Variants in OR4C46 observed in about 807,000 individuals in gnomAD.
OR4C46 encodes olfactory receptor family 4 subfamily C member 46, also known as olfactory receptor 4C46.
Under a neutral mutation model 11.8 loss-of-function variants are expected in OR4C46, and 17 were observed. The observed-to-expected ratio is 1.44, with a 90% CI of 0.98 to 2.16. The LOEUF is 2.16. OR4C46 is among the 30% of genes most tolerant of loss of function. The pLI, the probability that OR4C46 is intolerant of heterozygous loss-of-function variation, is 0.00. For synonymous variants in OR4C46, 224 were observed against 137.6 expected, an observed-to-expected ratio of 1.63 and a Z score of -4.39; for missense variants, 606 against 372.1, an observed-to-expected ratio of 1.63 and a Z score of -5.17.
At position 54,603,480 on chromosome 11, in the gene OR4C46, A is replaced by G; in HGVS notation, c.519T>C (p.Asp173=). Reference sequence around the variant, plus strand: ...AAGGGTTCAGATCACACATAAAGTGATCTATGACATTAGGACCACAGAAAG... The same window carrying G: ...AAGGGTTCAGATCACACATAAAGTGGTCTATGACATTAGGACCACAGAAAG... ...QLPFCGPNVI[D]HFMCDLNPLL... is the part of the protein sequence containing the mutation. Residue 173 remains aspartate, a synonymous_variant, in exon 1 of 1, where the codon GAT becomes GAC. Transcript: ENST00000328188. The G allele has an allele frequency of 1.9e-6, 3 of 1,613,768 alleles. No individual in the cohort carries two copies. The highest frequency in any genetic ancestry group is 2.5e-6 in the Non-Finnish European group (3 of 1,179,746).
Position 54,603,268 on chromosome 11 carries a change from A to G in OR4C46, c.731T>C (p.Val244Ala). The G allele has an allele frequency of 6.2e-7, 1 of 1,613,370 alleles. No individual in the cohort carries two copies. The highest frequency in any genetic ancestry group is 8.5e-7 in the Non-Finnish European group (1 of 1,179,448). The change falls in exon 1 of 1, where the codon GTT becomes GCT. Residue 244 changes from valine (V) to alanine (A), a missense_variant. Physicochemically the swap from Val to Ala is moderately conservative, Grantham distance 64. Transcript: ENST00000328188. ...ALSTCVSHIT[V>A]VILFFVPCIF... ...GCAGGGCACAAAGAATAAGATGACA[A>G]CCGTGATGTGGGAGACACAGGTGGA...
chr11:54,603,385 C>A lies in OR4C46; in HGVS notation c.614G>T (p.Cys205Phe), dbSNP rs547712800. The A allele has an allele frequency of 1.2e-6, 2 of 1,613,778 alleles. No homozygotes were observed. The highest frequency in any genetic ancestry group is 8.5e-7 in the Non-Finnish European group (1 of 1,179,830). ...LFIAANSGFI[C>F]LLNFALLLVS... ...CAGCAGGAGGGCAAAGTTTAACAAG[C>A]AGATGAATCCACTGTTGGCAGCAAT... Residue 205 changes from cysteine (C) to phenylalanine (F), a missense_variant, in exon 1 of 1, where the codon TGC becomes TTC. Cys to Phe is a radical substitution (Grantham distance 205, BLOSUM62 -2). Transcript: ENST00000328188.
Position 54,603,579 on chromosome 11 carries a change from G to A in OR4C46, c.420C>T (p.Ala140=). The A allele has an allele frequency of 1.2e-6, 2 of 1,614,038 alleles. No individual in the cohort carries two copies. Among genetic ancestry groups the A allele is most frequent in the East Asian group, 2.2e-5 (1 of 44,874 alleles). The change falls in exon 1 of 1, where the codon GCC becomes GCT. Residue 140 remains alanine, a synonymous_variant. Transcript: ENST00000328188. ...YMTIMNQCVC[A]LLMGVVWMGG... is the part of the protein sequence containing the mutation. Reference sequence around the variant, plus strand: ...CCATCCACACCACTCCCATTAGCAGGGCACACACACACTGGTTCATGATAG... The same window carrying A: ...CCATCCACACCACTCCCATTAGCAGAGCACACACACACTGGTTCATGATAG...
rs749744998 is a variant in OR4C46 at position 54,603,220 on chromosome 11, G to T, written c.779C>A (p.Ala260Glu). 5 of 1,609,798 alleles carry T rather than the reference G, an allele frequency of 3.1e-6. No individual in the cohort carries two copies. Among genetic ancestry groups the T allele is most frequent in the African/African-American group, 2.7e-5 (2 of 74,794 alleles). The change falls in exon 1 of 1, where the codon GCA becomes GAA. Residue 260 changes from alanine to glutamate, a missense_variant. Physicochemically the swap from Ala to Glu is moderately radical, Grantham distance 107. Coordinates refer to ENST00000328188, the MANE Select transcript of OR4C46 (RefSeq NM_001004703.1). ...TGCTTTATCAATAGGTAAAGTAGCT[G>T]CAGGTCTCATGTACACAAATATGCA... Reference protein sequence around the residue: ...VPCIFVYMRPAATLPIDKAVA... With the variant: ...VPCIFVYMRPEATLPIDKAVA...
In OR4C46 at chr11:54,603,087, G is replaced by A. The variant is rs79951112; in HGVS notation, c.912C>T (p.Asp304=). ...GTTACATTTATTTGTCACCTGAAAT[G>A]TCCTTTCTACTACACAATTTCCTGA... ...NAIRKLCSRK[D]ISGDK is the part of the protein sequence containing the mutation. Residue 304 remains aspartate, a synonymous_variant, in exon 1 of 1, where the codon GAC becomes GAT. Coordinates refer to ENST00000328188, the MANE Select transcript of OR4C46 (RefSeq NM_001004703.1). 9.1e-4 allele frequency: 1,388 copies of A among 1,530,582 alleles called. 7 individuals are homozygous for A. In the African/African-American group the frequency reaches 0.017, roughly 19 times the overall value. The allele number at this position is 1,530,582 out of a possible 1,614,324, so 94.8% of individuals were successfully genotyped here.
chr11:54,603,124 A>G lies in OR4C46; in HGVS notation c.875T>C (p.Met292Thr), dbSNP rs747940376. ...PLIYTLKNAQ[M>T]KNAIRKLCSR... is the part of the protein sequence containing the mutation. ...ACACAATTTCCTGATGGCATTTTTC[A>G]TCTGGGCATTCTTCAAGGTATAGAT... is the stretch of plus-strand genomic sequence containing the variant. Residue 292 changes from methionine to threonine, a missense_variant, in exon 1 of 1, where the codon ATG becomes ACG. Transcript: ENST00000328188. 1 of 1,509,490 alleles carries G rather than the reference A, an allele frequency of 6.6e-7. No homozygotes were observed. Among genetic ancestry groups the G allele is most frequent in the East Asian group, 2.3e-5 (1 of 44,048 alleles). The allele number at this position is 1,509,490 out of a possible 1,614,324, so 93.5% of individuals were successfully genotyped here.
Position 54,603,831 on chromosome 11 carries a change from G to T in OR4C46, c.168C>A (p.Pro56=). 1 of 1,613,182 alleles carries T rather than the reference G, an allele frequency of 6.2e-7. No individual in the cohort carries two copies. Among genetic ancestry groups the T allele is most frequent in the East Asian group, 2.2e-5 (1 of 44,862 alleles). ...AGAGATAGGCCAGGGAAAGGTACAT[G>T]GGGGACCCCAGTGATGGGCTGGCAG... ...TITASPSLGS[P]MYLSLAYLSF... is the part of the protein sequence containing the mutation. Residue 56 remains proline, a synonymous_variant, in exon 1 of 1, where the codon CCC becomes CCA. Coordinates refer to ENST00000328188, the MANE Select transcript of OR4C46 (RefSeq NM_001004703.1).
At position 54,603,830 on chromosome 11, in the gene OR4C46, T is replaced by C; in HGVS notation, c.169A>G (p.Met57Val). The stretch of plus-strand genomic sequence containing the variant: ...GAGAGATAGGCCAGGGAAAGGTACA[T>C]GGGGGACCCCAGTGATGGGCTGGCA... ...ITASPSLGSPMYLSLAYLSFI... is the reference protein window; with the variant it reads ...ITASPSLGSPVYLSLAYLSFI... Residue 57 changes from methionine to valine, a missense_variant, in exon 1 of 1, where the codon ATG (methionine) becomes GTG (valine). Transcript: ENST00000328188. The C allele has an allele frequency of 1.9e-6, 3 of 1,613,308 alleles. No individual in the cohort carries two copies. The highest frequency in any genetic ancestry group is 1.7e-5 in the Admixed American group (1 of 59,986).
At position 54,603,545 on chromosome 11, in the gene OR4C46, G is replaced by C; in HGVS notation, c.454C>G (p.Leu152Val). The part of the protein sequence containing the change: ...LMGVVWMGGF[L>V]HATIQILFIF... ...AAGAGGATCTGTATGGTTGCATGAA[G>C]AAAGCCTCCCATCCACACCACTCCC... The change falls in exon 1 of 1, where the codon CTT becomes GTT. Residue 152 changes from leucine to valine, a missense_variant. Coordinates refer to ENST00000328188, the MANE Select transcript of OR4C46 (RefSeq NM_001004703.1). 1 of 1,613,894 alleles carries C rather than the reference G, an allele frequency of 6.2e-7. No individual in the cohort carries two copies. Among genetic ancestry groups the C allele is most frequent in the Non-Finnish European group, 8.5e-7 (1 of 1,179,884 alleles).
At position 54,603,684 on chromosome 11, in the gene OR4C46, G is replaced by A. The variant is rs61890420; in HGVS notation, c.315C>T (p.Phe105=). The A allele has an allele frequency of 0.055, 87,994 of 1,613,744 alleles. 2,794 individuals carry two copies. Among genetic ancestry groups the A allele is most frequent in the Non-Finnish European group, 0.063 (74,145 of 1,179,646 alleles). ...CMTQVFGEHF[F]GGAEGILLTV... Reference sequence around the variant, plus strand: ...TAAGTAGGATGCCCTCTGCACCTCCGAAGAAATGTTCTCCAAAGACTTGAG... The same window carrying A: ...TAAGTAGGATGCCCTCTGCACCTCCAAAGAAATGTTCTCCAAAGACTTGAG... Residue 105 remains phenylalanine (F), a synonymous_variant, in exon 1 of 1, where the codon TTC becomes TTT. Coordinates refer to ENST00000328188, the MANE Select transcript of OR4C46 (RefSeq NM_001004703.1).
rs757704954 is a variant in OR4C46 at position 54,603,149 on chromosome 11, T to C, written c.850A>G (p.Ile284Val). ...ATCTGGGCATTCTTCAAGGTATAGA[T>C]TAAGGGGTTTAACATAGGAGTTATC... ...TMITPMLNPL[I>V]YTLKNAQMKN... The change falls in exon 1 of 1, where the codon ATC becomes GTC. Residue 284 changes from isoleucine (I) to valine (V), a missense_variant. Coordinates refer to ENST00000328188, the MANE Select transcript of OR4C46 (RefSeq NM_001004703.1). 1.0e-5 allele frequency: 15 copies of C among 1,487,178 alleles called. No homozygotes were observed. In the South Asian group the frequency reaches 1.7e-4, roughly 17 times the overall value. 92.1% of individuals were successfully genotyped at this position (1,487,178 alleles called of 1,614,324 possible).
At position 54,603,672 on chromosome 11, in the gene OR4C46, C is replaced by G. The variant is rs750442393; in HGVS notation, c.327G>C (p.Glu109Asp). The change falls in exon 1 of 1, where the codon GAG becomes GAC. Residue 109 changes from glutamate (E) to aspartate (D), a missense_variant. Coordinates refer to ENST00000328188, the MANE Select transcript of OR4C46 (RefSeq NM_001004703.1). ...AGGCCATCACAGTAAGTAGGATGCC[C>G]TCTGCACCTCCGAAGAAATGTTCTC... ...VFGEHFFGGAEGILLTVMAYD... is the reference protein window; with the variant it reads ...VFGEHFFGGADGILLTVMAYD... 3 of 1,614,070 alleles carry G rather than the reference C, an allele frequency of 1.9e-6. No homozygotes were observed. Among genetic ancestry groups the G allele is most frequent in the Non-Finnish European group, 2.5e-6 (3 of 1,179,984 alleles).
At position 54,603,404 on chromosome 11, in the gene OR4C46, C is replaced by A. The variant is rs141721344; in HGVS notation, c.595G>T (p.Ala199Ser). Residue 199 changes from alanine (A) to serine (S), a missense_variant, in exon 1 of 1, where the codon GCC becomes TCC. Ala to Ser is a moderately conservative substitution (Grantham distance 99). Transcript: ENST00000328188. ...AACAAGCAGATGAATCCACTGTTGGCAGCAATGAAGAGTTCCAGCATATGG... is the reference window on the plus strand; with the variant it reads ...AACAAGCAGATGAATCCACTGTTGGAAGCAATGAAGAGTTCCAGCATATGG... ...DTHMLELFIA[A>S]NSGFICLLNF... The A allele has an allele frequency of 5.0e-6, 8 of 1,613,646 alleles. No homozygotes were observed. Among genetic ancestry groups the A allele is most frequent in the Non-Finnish European group, 6.8e-6 (8 of 1,179,816 alleles).
Position 54,603,581 on chromosome 11 carries a change from C to A in OR4C46, c.418G>T (p.Ala140Ser), listed in dbSNP as rs780441166. Residue 140 changes from alanine (A) to serine (S), a missense_variant, in exon 1 of 1, where the codon GCC becomes TCC. Physicochemically the swap from Ala to Ser is moderately conservative, Grantham distance 99 (BLOSUM62 1). Coordinates refer to ENST00000328188, the MANE Select transcript of OR4C46 (RefSeq NM_001004703.1). ...YMTIMNQCVCALLMGVVWMGG... is the reference protein window; with the variant it reads ...YMTIMNQCVCSLLMGVVWMGG... ...ATCCACACCACTCCCATTAGCAGGG[C>A]ACACACACACTGGTTCATGATAGTC... 7 of 1,613,846 alleles carry A rather than the reference C, an allele frequency of 4.3e-6. No individual in the cohort carries two copies. The highest frequency in any genetic ancestry group is 1.3e-5 in the African/African-American group (1 of 74,912).
In OR4C46 at chr11:54,603,689, A is replaced by C. The variant is rs771455134; in HGVS notation, c.310T>G (p.Phe104Val). The change falls in exon 1 of 1, where the codon TTC becomes GTC. Residue 104 changes from phenylalanine (F) to valine (V), a missense_variant. By Grantham distance (50) the Phe-to-Val change is conservative. Coordinates refer to ENST00000328188, the MANE Select transcript of OR4C46 (RefSeq NM_001004703.1). Reference protein sequence around the residue: ...GCMTQVFGEHFFGGAEGILLT... With the variant: ...GCMTQVFGEHVFGGAEGILLT... ...AGGATGCCCTCTGCACCTCCGAAGA[A>C]ATGTTCTCCAAAGACTTGAGTCATG... The C allele has an allele frequency of 2.1e-5, 34 of 1,614,098 alleles. No individual in the cohort carries two copies. The East Asian group carries it at 7.1e-4, about 34-fold the overall frequency.
Position 54,603,434 on chromosome 11 carries a change from C to T in OR4C46, c.565G>A (p.Asp189Asn), listed in dbSNP as rs1273997958. ...ATGAAGAGTTCCAGCATATGGGTGT[C>T]AGTGCAGGCGAGGTTGAGCAAAGGG... is the stretch of plus-strand genomic sequence containing the variant. ...LNPLLNLACT[D>N]THMLELFIAA... The change falls in exon 1 of 1, where the codon GAC (aspartate) becomes AAC (asparagine). Residue 189 changes from aspartate (D) to asparagine (N), a missense_variant. Coordinates refer to ENST00000328188, the MANE Select transcript of OR4C46 (RefSeq NM_001004703.1). 6.2e-7 allele frequency: 1 copy of T among 1,613,750 alleles called. No individual in the cohort carries two copies. The highest frequency in any genetic ancestry group is 1.7e-5 in the Admixed American group (1 of 59,988).
At position 54,603,678 on chromosome 11, in the gene OR4C46, A is replaced by G; in HGVS notation, c.321T>C (p.Gly107=). ...TQVFGEHFFG[G]AEGILLTVMA... ...TCACAGTAAGTAGGATGCCCTCTGC[A>G]CCTCCGAAGAAATGTTCTCCAAAGA... The change falls in exon 1 of 1, where the codon GGT becomes GGC. Residue 107 remains glycine (G), a synonymous_variant. Coordinates refer to ENST00000328188, the MANE Select transcript of OR4C46 (RefSeq NM_001004703.1). 1 of 1,614,078 alleles carries G rather than the reference A, an allele frequency of 6.2e-7. No individual in the cohort carries two copies.
At position 54,603,974 on chromosome 11, in the gene OR4C46, C is replaced by G. The variant is rs769756020; in HGVS notation, c.25G>C (p.Glu9Gln). 6.2e-7 allele frequency: 1 copy of G among 1,613,440 alleles called. No homozygotes were observed. Among genetic ancestry groups the G allele is most frequent in the Non-Finnish European group, 8.5e-7 (1 of 1,179,392 alleles). Residue 9 changes from glutamate to glutamine, a missense_variant, in exon 1 of 1, where the codon GAG becomes CAG. By Grantham distance (29) the Glu-to-Gln change is conservative. Transcript: ENST00000328188. ...TCTGTAAGCCCCAGCAAAACAAACT[C>G]TGTCATGTTATTCCTATTCTCCATG... The part of the protein sequence containing the change: MENRNNMT[E>Q]FVLLGLTENP...
At position 54,603,218 on chromosome 11, in the gene OR4C46, C is replaced by G; in HGVS notation, c.781G>C (p.Ala261Pro). 6.2e-7 allele frequency: 1 copy of G among 1,609,676 alleles called. No homozygotes were observed. Among genetic ancestry groups the G allele is most frequent in the South Asian group, 1.1e-5 (1 of 90,968 alleles). ...PCIFVYMRPA[A>P]TLPIDKAVAI... The stretch of plus-strand genomic sequence containing the variant: ...ACTGCTTTATCAATAGGTAAAGTAG[C>G]TGCAGGTCTCATGTACACAAATATG... Residue 261 changes from alanine to proline, a missense_variant, in exon 1 of 1, where the codon GCT becomes CCT. Ala to Pro is a conservative substitution (Grantham distance 27, BLOSUM62 -1). Transcript: ENST00000328188.
Sources: gnomAD v4.1 joint callset for allele counts on GRCh38, gnomAD v4.1.1 for gene constraint, MANE v1.5 for transcripts, NCBI Gene and HGNC (gene_info 2026-07-23, HGNC 2026-07-21) for gene names.